Variants in DNAAF4 observed in about 807,000 individuals in gnomAD.
DNAAF4 encodes the protein dynein axonemal assembly factor 4.
A neutral mutation model predicts 51.8 loss-of-function variants in DNAAF4; 43 were observed. The ratio of observed to expected loss-of-function variants is 0.83; its 90% CI spans 0.65 to 1.07. DNAAF4 has a LOEUF of 1.07. Ranked by LOEUF, DNAAF4 falls within the 50% of genes least tolerant of loss-of-function variation. The pLI, the probability that DNAAF4 is intolerant of heterozygous loss-of-function variation, is 0.00. For missense variants in DNAAF4, 581 were observed against 493.0 expected (o/e 1.18, Z -1.69); for synonymous variants, 194 against 165.6 (o/e 1.17, Z -1.32).
At chr15:55,454,477 A>T (rs1476827778) in intron 5 of DNAAF4, among the ~76,000 whole-genome samples, 3 of 151,824 alleles carry the variant, frequency 2.0e-5, no homozygotes, top group Admixed American at 6.6e-5. Context: ...TCCCGGGTTC[A>T]AGCAATTCCC....
chr15:55,446,762 G>T (rs1407441500), intron 6 of DNAAF4, among the ~76,000 whole-genome samples: 1 of 145,672 alleles, frequency 6.9e-6, no homozygotes, highest in Non-Finnish European at 1.5e-5. Context: ...CCCAGACAGG[G>T]TGGTGGCCAG....
At chr15:55,495,410 T>C (rs1457898339) in intron 3 of DNAAF4, among the ~76,000 whole-genome samples, 1 of 150,710 alleles carries the variant, frequency 6.6e-6, no homozygotes, top group Non-Finnish European at 1.5e-5. Context: ...CAAGAGTCCA[T>C]ATTCAAGGCT....
At chr15:55,418,673 A>C in intron 7 of DNAAF4, 1 of 795,752 alleles carries the variant, frequency 1.3e-6, no homozygotes. Context: ...GTTTTGAATC[A>C]ATTTTTAAAA....
At chr15:55,478,122 A>T (rs1045125481) in intron 4 of DNAAF4, among the ~76,000 whole-genome samples, 2 of 152,008 alleles carry the variant, frequency 1.3e-5, no homozygotes, top group African/African-American at 4.8e-5. Flanking sequence ...TCCCTGAGTA[A>T]CTCTGGACAC....
At chr15:55,438,343 C>T (rs368305009) in intron 7 of DNAAF4, among the ~76,000 whole-genome samples, 702 of 64,682 alleles carry the variant, frequency 0.011, 11 homozygotes, top group African/African-American at 0.036. Context: ...AAGAGCGAGA[C>T]TTTGTCTCAA....
At chr15:55,472,516 G>T (rs1430375577) in intron 4 of DNAAF4, among the ~76,000 whole-genome samples, 1 of 151,948 alleles carries the variant, frequency 6.6e-6, no homozygotes, top group Non-Finnish European at 1.5e-5. Context: ...TACTTGGGAG[G>T]CTGAGGCAGG....
At chr15:55,486,272 C>T (rs2058488112) in intron 4 of DNAAF4, among the ~76,000 whole-genome samples, 1 of 151,348 alleles carries the variant, frequency 6.6e-6, no homozygotes, top group Non-Finnish European at 1.5e-5. Context: ...CAGCTCACTG[C>T]AACCTCCGCT....
At chr15:55,453,864 T>C (rs1567013728) in intron 5 of DNAAF4, among the ~76,000 whole-genome samples, 1 of 152,004 alleles carries the variant, frequency 6.6e-6, no homozygotes, top group Admixed American at 6.6e-5. Context: ...AACAGAACTT[T>C]CAAAATGAAA....
At chr15:55,485,122 G>C (rs769387575) in intron 4 of DNAAF4, among the ~76,000 whole-genome samples, 4 of 152,114 alleles carry the variant, frequency 2.6e-5, no homozygotes, top group Admixed American at 6.6e-5. Flanking sequence ...ACACATAAAT[G>C]AATAAACACT....
At chr15:55,429,633 T>C (rs1487226671), downstream of DNAAF4, among the ~76,000 whole-genome samples, 1 of 151,588 alleles carries the variant, frequency 6.6e-6, no homozygotes, top group Non-Finnish European at 1.5e-5. Flanking sequence ...CTGGCTAACA[T>C]GGTGAAACCC....
chr15:55,428,798 T>A (rs1161638485), downstream of DNAAF4, among the ~76,000 whole-genome samples: 1 of 151,754 alleles, frequency 6.6e-6, no homozygotes, highest in African/African-American at 2.4e-5. Flanking sequence ...CCCAGCCTCT[T>A]TCACTGTCTT....
intron 1 of DNAAF4, among the ~76,000 whole-genome samples, chr15:55,499,439 C>A (rs1289339550): frequency 6.6e-6 from 1 of 152,118 alleles, no homozygotes; most frequent in Non-Finnish European, 1.5e-5. Context: ...AAACCCAAAC[C>A]CTCCCTTTGT....
chr15:55,489,538 G>C (rs1473648515), intron 4 of DNAAF4, among the ~76,000 whole-genome samples: 3 of 151,896 alleles, frequency 2.0e-5, no homozygotes, highest in Admixed American at 6.6e-5. Context: ...AGCCAGGCGT[G>C]GTGGTGCACA....
At chr15:55,435,420 C>T (rs2057591711) in intron 7 of DNAAF4, among the ~76,000 whole-genome samples, 1 of 152,136 alleles carries the variant, frequency 6.6e-6, no homozygotes, top group African/African-American at 2.4e-5. Context: ...GCAAATTTCT[C>T]CCCCTGCTGG....
chr15:55,461,364 G>C (rs1161857786), intron 5 of DNAAF4, among the ~76,000 whole-genome samples: 1 of 151,632 alleles, frequency 6.6e-6, no homozygotes, highest in Non-Finnish European at 1.5e-5. Flanking sequence ...CCAAAGTACT[G>C]AGATTACAGG....
intron 4 of DNAAF4, among the ~76,000 whole-genome samples, chr15:55,488,787 A>G (rs574557086): frequency 2.0e-5 from 3 of 152,264 alleles, no homozygotes; most frequent in South Asian, 4.1e-4. Context: ...GCTTTCATAC[A>G]TTAGTAAATT....
intron 4 of DNAAF4, among the ~76,000 whole-genome samples, chr15:55,486,821 T>C (rs1307811328): frequency 6.7e-6 from 1 of 150,262 alleles, no homozygotes; most frequent in Non-Finnish European, 1.5e-5. Context: ...AATGATAAAA[T>C]ATCCCCATAT....
At chr15:55,488,127 T>C (rs984084977) in intron 4 of DNAAF4, among the ~76,000 whole-genome samples, 15 of 151,940 alleles carry the variant, frequency 9.9e-5, no homozygotes, top group African/African-American at 3.1e-4. Flanking sequence ...TTTCTTTTTT[T>C]TTTTTTGCTG....
chr15:55,481,570 G>C (rs930856778), intron 4 of DNAAF4, among the ~76,000 whole-genome samples: 1 of 152,196 alleles, frequency 6.6e-6, no homozygotes, highest in African/African-American at 2.4e-5. Context: ...CCTTCAAGAA[G>C]TCACCCTCTC....
Sources: gnomAD v4.1 joint callset for allele counts (sites outside exome capture counted in the v4.1 genomes callset) on GRCh38, gnomAD v4.1.1 for gene constraint, MANE v1.5 for transcripts, NCBI Gene and HGNC (gene_info 2026-07-23, HGNC 2026-07-21) for gene names.